The following CACNA1E variants were observed in gnomAD, a reference collection of about 807,000 sequenced individuals.
CACNA1E encodes the protein voltage-dependent R-type calcium channel subunit alpha-1E.
In CACNA1E, 40 loss-of-function variants were observed where a neutral mutation model predicts 259.2. The ratio of observed to expected loss-of-function variants is 0.15; its 90% CI spans 0.12 to 0.20. The LOEUF is 0.20. Among genes scored for constraint, CACNA1E ranks in the 10% least tolerant of loss-of-function variants. The pLI is 1.00. For synonymous variants in CACNA1E, 1,104 were observed against 1,138.5 expected, an observed-to-expected ratio of 0.97 and a Z score of 0.61; for missense variants, 1,874 against 3,040.1, an observed-to-expected ratio of 0.62 and a Z score of 9.02.
At chr1:181,338,502 C>T (rs1240800345) in intron 1 of CACNA1E, among the ~76,000 whole-genome samples, 1 of 73,672 alleles carries the variant, frequency 1.4e-5, no homozygotes, top group Admixed American at 1.1e-4. Context: ...GTCATTTACC[C>T]ATTTTTTTTT....
rs184309021 is a variant in CACNA1E at position 181,744,949 on chromosome 1, G to A, written c.3720-5527G>A. Among the ~76,000 whole-genome samples, 10 of 152,298 alleles carry A rather than the reference G, an allele frequency of 6.6e-5. No individual in the cohort carries two copies. The East Asian group carries it at 1.5e-3, about 24-fold the overall frequency. Reference sequence around the variant, plus strand: ...AACTGTAAGCAGATAGGAGGATTTTGTTTCCTGACACTCCAGTTTAAAAGT... The same window carrying A: ...AACTGTAAGCAGATAGGAGGATTTTATTTCCTGACACTCCAGTTTAAAAGT... On this transcript the variant is annotated intron_variant, in intron 25 of 47. Transcript: ENST00000367573.
At chr1:181,610,344 C>T (rs1032472624) in intron 6 of CACNA1E, among the ~76,000 whole-genome samples, 8 of 152,136 alleles carry the variant, frequency 5.3e-5, no homozygotes, top group African/African-American at 1.9e-4. Context: ...AACGCTCCTC[C>T]CAAATATCTT....
intron 7 of CACNA1E, among the ~76,000 whole-genome samples, chr1:181,701,513 A>T (rs1462246607): frequency 6.6e-6 from 1 of 152,188 alleles, no homozygotes; most frequent in African/African-American, 2.4e-5. Context: ...AGACAGAGAG[A>T]AAGCAGCATG....
chr1:181,463,329 G>A (rs543895349), intron 2 of CACNA1E, among the ~76,000 whole-genome samples: 1 of 152,198 alleles, frequency 6.6e-6, no homozygotes, highest in African/African-American at 2.4e-5. Context: ...TTTGGACTCT[G>A]GTTGACTGAG....
At chr1:181,327,513 G>A (rs1379632159) in intron 1 of CACNA1E, among the ~76,000 whole-genome samples, 1 of 152,198 alleles carries the variant, frequency 6.6e-6, no homozygotes, top group Non-Finnish European at 1.5e-5. Flanking sequence ...GAAAATCAAA[G>A]AAGAGTTTTC....
intron 27 of CACNA1E, among the ~76,000 whole-genome samples, chr1:181,752,604 G>A (rs900183515): frequency 5.9e-5 from 9 of 152,294 alleles, no homozygotes; most frequent in Non-Finnish European, 1.3e-4. Flanking sequence ...GTGTGTTCTG[G>A]TCTGCATATT....
intron 2 of CACNA1E, among the ~76,000 whole-genome samples, chr1:181,458,067 C>T (rs1286191964): frequency 6.6e-6 from 1 of 152,242 alleles, no homozygotes; most frequent in Non-Finnish European, 1.5e-5. Context: ...TCTCCAGTGC[C>T]TTTTCCTGCC....
chr1:181,734,436 C>G (rs1013332909), intron 21 of CACNA1E, among the ~76,000 whole-genome samples: 15 of 151,312 alleles, frequency 9.9e-5, no homozygotes, highest in Non-Finnish European at 1.2e-4. Context: ...TGTATTCATC[C>G]TACCCCTTAT....
chr1:181,527,685 C>T (rs183305027), intron 3 of CACNA1E, among the ~76,000 whole-genome samples: 13 of 152,056 alleles, frequency 8.5e-5, no homozygotes, highest in Admixed American at 2.0e-4. Flanking sequence ...TTAAATGTAC[C>T]TTCAGTAAAT....
At chr1:181,363,064 G>T (rs974940069) in intron 1 of CACNA1E, among the ~76,000 whole-genome samples, 1 of 152,188 alleles carries the variant, frequency 6.6e-6, no homozygotes, top group African/African-American at 2.4e-5. Context: ...CCCCCTGGGG[G>T]ACCATCTACA....
At chr1:181,329,461 C>A (rs1651061164) in intron 1 of CACNA1E, among the ~76,000 whole-genome samples, 1 of 152,196 alleles carries the variant, frequency 6.6e-6, no homozygotes, top group Non-Finnish European at 1.5e-5. Flanking sequence ...CCCACCACAG[C>A]TTCAATGCCT....
chr1:181,583,613 CT>C (rs1651773112), intron 6 of CACNA1E, among the ~76,000 whole-genome samples: 1 of 152,220 alleles, frequency 6.6e-6, no homozygotes, highest in Admixed American at 6.5e-5. Context: ...AGCACAGACT[CT>C]TCCTAGATGC....
chr1:181,545,783 C>A (rs1362120032), intron 3 of CACNA1E, among the ~76,000 whole-genome samples: 1 of 152,164 alleles, frequency 6.6e-6, no homozygotes, highest in African/African-American at 2.4e-5. Context: ...TTTCAAGACC[C>A]CTTTCATGTC....
intron 7 of CACNA1E, among the ~76,000 whole-genome samples, chr1:181,704,043 C>T (rs748369519): frequency 6.6e-6 from 1 of 152,042 alleles, no homozygotes; most frequent in Non-Finnish European, 1.5e-5. Flanking sequence ...ATGATGTCGT[C>T]GAGCATTTGC....
chr1:181,542,681 C>T (rs1026844742), intron 3 of CACNA1E, among the ~76,000 whole-genome samples: 19 of 151,904 alleles, frequency 1.3e-4, no homozygotes, highest in Admixed American at 4.6e-4. Context: ...TCCCCAGCCA[C>T]GCTGAACTGT....
At chr1:181,710,244 T>G (rs1010670237) in intron 7 of CACNA1E, among the ~76,000 whole-genome samples, 1 of 150,902 alleles carries the variant, frequency 6.6e-6, no homozygotes, top group Non-Finnish European at 1.5e-5. Context: ...CAGGTGTCCT[T>G]CTCACGTCCC....
chr1:181,681,661 AG>A (rs1227758926), intron 7 of CACNA1E, among the ~76,000 whole-genome samples: 2 of 152,218 alleles, frequency 1.3e-5, no homozygotes, highest in Non-Finnish European at 2.9e-5. Flanking sequence ...AATCACATCA[AG>A]TCATTGGGGG....
Position 181,511,300 on chromosome 1 carries a change from C to G in CACNA1E, c.373-71C>G. On this transcript the variant is annotated intron_variant, in intron 2 of 47. Coordinates refer to ENST00000367573, the MANE Select transcript of CACNA1E (RefSeq NM_001205293.3). ...GCACAGACATCCAGGAAGGGCCAGGCTGTGCTTTTGCCTGTGTCTCATAAA... is the reference window on the plus strand; with the variant it reads ...GCACAGACATCCAGGAAGGGCCAGGGTGTGCTTTTGCCTGTGTCTCATAAA... The G allele has an allele frequency of 4.5e-6, 7 of 1,563,232 alleles. No individual in the cohort carries two copies. In the South Asian group the frequency reaches 8.0e-5, roughly 18 times the overall value.
At chr1:181,409,128 A>G (rs994158045) in intron 1 of CACNA1E, among the ~76,000 whole-genome samples, 13 of 152,194 alleles carry the variant, frequency 8.5e-5, no homozygotes, top group Admixed American at 4.6e-4. Flanking sequence ...ATTCATTTAC[A>G]TATTCTCTGG....
Sources: allele counts gnomAD v4.1 joint callset (sites outside exome capture counted in the v4.1 genomes callset), GRCh38; gene constraint gnomAD v4.1.1; transcripts MANE v1.5; gene names NCBI Gene and HGNC (gene_info 2026-07-23, HGNC 2026-07-21).